Variants in SAAL1 observed in about 807,000 individuals in gnomAD.
SAAL1 encodes the protein protein SAAL1.
A neutral mutation model predicts 59.8 loss-of-function variants in SAAL1; 42 were observed. That is an observed-to-expected ratio of 0.70 (90% confidence interval 0.55 to 0.91). The LOEUF is 0.91. Ranked by LOEUF, SAAL1 falls within the 40% of genes least tolerant of loss-of-function variation. SAAL1 has a pLI of 0.00. For synonymous variants in SAAL1, 191 were observed against 194.3 expected (o/e 0.98, Z 0.14); for missense variants, 542 against 561.1 (o/e 0.97, Z 0.34).
At chr11:18,105,255 C>T (rs954208392) in intron 1 of SAAL1, among the ~76,000 whole-genome samples, 3 of 151,660 alleles carry the variant, frequency 2.0e-5, no homozygotes, top group Admixed American at 6.6e-5. Context: ...CTGCAGCCTC[C>T]AACTTCAGGC....
intron 1 of SAAL1, 49 bp downstream of exon 1, chr11:18,105,858 G>A: frequency 1.3e-6 from 2 of 1,511,144 alleles, no homozygotes; most frequent in Non-Finnish European, 8.8e-7. Flanking sequence ...CGGAGCCCCG[G>A]TGCCTGGGGG....
At chr11:18,091,484 TAGG>T (rs1848523036) in intron 4 of SAAL1, among the ~76,000 whole-genome samples, 1 of 152,206 alleles carries the variant, frequency 6.6e-6, no homozygotes, top group South Asian at 2.1e-4. Flanking sequence ...CCTCCACAAC[TAGG>T]AGTTCTCTCT....
chr11:18,087,207 C>A lies in SAAL1; in HGVS notation c.789G>T (p.Trp263Cys). ...GTAAAATGTGCATGTAAACATCAAGCCATTCTGGATTTTCAGAACTAAATA... is the reference window on the plus strand; with the variant it reads ...GTAAAATGTGCATGTAAACATCAAGACATTCTGGATTTTCAGAACTAAATA... ...AKQVRSENPEWLDVYMHILQL... is the reference protein window; with the variant it reads ...AKQVRSENPECLDVYMHILQL... The change falls in exon 8 of 12, where the codon TGG (tryptophan) becomes TGT (cysteine). Residue 263 changes from tryptophan (W) to cysteine (C), a missense_variant. Trp to Cys is a radical substitution (Grantham distance 215). Coordinates refer to ENST00000524803, the MANE Select transcript of SAAL1 (RefSeq NM_138421.3). 6.2e-7 allele frequency: 1 copy of A among 1,611,968 alleles called. No individual in the cohort carries two copies. Among genetic ancestry groups the A allele is most frequent in the Non-Finnish European group, 8.5e-7 (1 of 1,178,162 alleles).
chr11:18,095,137 C>A (rs1848559397), intron 3 of SAAL1, among the ~76,000 whole-genome samples: 1 of 152,114 alleles, frequency 6.6e-6, no homozygotes, highest in Non-Finnish European at 1.5e-5. Context: ...CGGGGACATG[C>A]TTAAGTTTGA....
Position 18,103,218 on chromosome 11 carries a change from T to C in SAAL1, c.249+15A>G, listed in dbSNP as rs751077471. 4 of 1,549,176 alleles carry C rather than the reference T, an allele frequency of 2.6e-6. No individual in the cohort carries two copies. The highest frequency in any genetic ancestry group is 3.6e-6 in the Non-Finnish European group (4 of 1,121,042). On this transcript the variant is annotated intron_variant, in intron 2 of 11. Coordinates refer to ENST00000524803, the MANE Select transcript of SAAL1 (RefSeq NM_138421.3). ...TCACCCAACAGTCTTCAGAGTTTTG[T>C]TTCCAGCCTCATACCTCATCCATTG...
intron 3 of SAAL1, among the ~76,000 whole-genome samples, chr11:18,095,698 C>T (rs1314845402): frequency 6.6e-6 from 1 of 152,212 alleles, no homozygotes; most frequent in East Asian, 1.9e-4. Context: ...ATTTACTAAT[C>T]CATGATATGC....
chr11:18,105,849 G>A lies in SAAL1; in HGVS notation c.135+58C>T, dbSNP rs866424679. ...CGGGGCAGGAGGATTCGCCAGAGGC[G>A]GAGCCCCGGTGCCTGGGGGATGTAG... On this transcript the variant is annotated intron_variant, in intron 1 of 11. Coordinates refer to ENST00000524803, the MANE Select transcript of SAAL1 (RefSeq NM_138421.3). 4 of 1,489,264 alleles carry A rather than the reference G, an allele frequency of 2.7e-6. No individual in the cohort carries two copies. The Middle Eastern group carries it at 8.4e-4, about 311-fold the overall frequency. 92.3% of individuals were successfully genotyped at this position (1,489,264 alleles called of 1,614,324 possible).
At chr11:18,091,681 G>A (rs1043027019) in intron 4 of SAAL1, among the ~76,000 whole-genome samples, 8 of 151,982 alleles carry the variant, frequency 5.3e-5, no homozygotes, top group Admixed American at 2.0e-4. Context: ...ATATAATTTC[G>A]GGGTGTTCTC....
intron 2 of SAAL1, among the ~76,000 whole-genome samples, chr11:18,098,092 A>G (rs1848596629): frequency 6.6e-6 from 1 of 152,180 alleles, no homozygotes; most frequent in African/African-American, 2.4e-5. Context: ...GGGTGCAGTG[A>G]GCTGAGATCT....
rs999833440 is a variant in SAAL1 at position 18,092,267 on chromosome 11, T to C, written c.391A>G (p.Ile131Val). The C allele has an allele frequency of 7.5e-6, 12 of 1,597,710 alleles. No homozygotes were observed. Among genetic ancestry groups the C allele is most frequent in the Non-Finnish European group, 1.0e-5 (12 of 1,165,378 alleles). ...TACCCAAGATTTTTATCACTGCTGA[T>C]GGACACACATATCTCCTGGAAACAG... Reference protein sequence around the residue: ...MACFQEICVSISSDKNLGQVL... With the variant: ...MACFQEICVSVSSDKNLGQVL... The change falls in exon 4 of 12, where the codon ATC becomes GTC. Residue 131 changes from isoleucine to valine, a missense_variant. Transcript: ENST00000524803.
rs1288283082 is a variant in SAAL1, at chr11:18,083,578, A to G, written c.1196T>C (p.Ile399Thr). 4 of 1,594,362 alleles carry G rather than the reference A, an allele frequency of 2.5e-6. No homozygotes were observed. The African/African-American group carries it at 5.4e-5, about 21-fold the overall frequency. Residue 399 changes from isoleucine to threonine, a missense_variant, in exon 10 of 12, where the codon ATT becomes ACT. By Grantham distance (89) the Ile-to-Thr change is moderately conservative. Transcript: ENST00000524803. ...DDFHLKILKDILCEFLSNIFQ... is the reference protein window; with the variant it reads ...DDFHLKILKDTLCEFLSNIFQ... ...AATATTAGAAAGAAATTCACATAAA[A>G]TATCCTTTAAGATTTTCAAGTGGAA...
Position 18,080,426 on chromosome 11 carries a change from GT to G in SAAL1, c.1397del (p.Asn466ThrfsTer5), listed in dbSNP as rs766727085. The G allele has an allele frequency of 3.8e-6, 6 of 1,597,292 alleles. No homozygotes were observed. Among genetic ancestry groups the G allele is most frequent in the Non-Finnish European group, 5.1e-6 (6 of 1,175,666 alleles). Reference sequence around the variant, plus strand: ...AAGTCTGAACCTTCAAACTTGGGAAGTTTTTTTCCAAGTCATCAGCAAGCGC... The same window carrying G: ...AAGTCTGAACCTTCAAACTTGGGAAGTTTTTTCCAAGTCATCAGCAAGCGC... ...DKALADDLEKNFPSLKVQT is the reference protein window; with the variant it reads ...DKALADDLEKXFPSLKVQT On this transcript the variant is annotated frameshift_variant, in exon 12 of 12. Coordinates refer to ENST00000524803, the MANE Select transcript of SAAL1 (RefSeq NM_138421.3). LOFTEE classifies it high-confidence loss of function.
chr11:18,080,470 G>A lies in SAAL1; in HGVS notation c.1354C>T (p.Leu452=). 6.3e-7 allele frequency: 1 copy of A among 1,579,208 alleles called. No homozygotes were observed. The highest frequency in any genetic ancestry group is 1.4e-5 in the African/African-American group (1 of 72,452). ...SPVVEDFIKI[L]REVDKALADD... is the part of the protein sequence containing the mutation. ...GCAAGCGCCTTATCAACTTCACGTA[G>A]GATTTTAATAAAATCTTCCACCTGT... Residue 452 remains leucine (L), a synonymous_variant, in exon 12 of 12, where the codon CTA becomes TTA. Coordinates refer to ENST00000524803, the MANE Select transcript of SAAL1 (RefSeq NM_138421.3).
At chr11:18,097,830 A>G (rs1256465373) in intron 2 of SAAL1, among the ~76,000 whole-genome samples, 3 of 117,454 alleles carry the variant, frequency 2.6e-5, no homozygotes, top group African/African-American at 1.2e-4. Context: ...ACACAGCGAG[A>G]AAAAAAGGAA....
At position 18,082,417 on chromosome 11, in the gene SAAL1, C is replaced by T. The variant is rs375360747; in HGVS notation, c.1240-914G>A. ...AAAAATTATAATACCCAATAATAAG[C>T]GTCAAGTAAAACCAACATTTTCACA... On this transcript the variant is annotated intron_variant, in intron 10 of 11. Transcript: ENST00000524803. 1.1e-4 allele frequency among the ~76,000 whole-genome samples: 17 copies of T among 151,544 alleles called. No homozygotes were observed. In the East Asian group the frequency reaches 2.9e-3, roughly 26 times the overall value.
chr11:18,105,779 C>T, intron 1 of SAAL1, 128 bp downstream of exon 1: 4 of 1,236,820 alleles, frequency 3.2e-6, no homozygotes, highest in Non-Finnish European at 3.2e-6. Context: ...AGCAAGGTCC[C>T]GCAGCGCACG....
At chr11:18,084,784 G>A (rs1848445450) in intron 9 of SAAL1, among the ~76,000 whole-genome samples, 1 of 152,046 alleles carries the variant, frequency 6.6e-6, no homozygotes, top group Admixed American at 6.6e-5. Flanking sequence ...TTGGAGGGGG[G>A]GTGCGGAGTA....
In SAAL1 at chr11:18,105,983, A is replaced by ACCTCCTCCT. The variant is rs3830499; in HGVS notation, c.50_58dup (p.Glu17_Glu19dup). The ACCTCCTCCT allele has an allele frequency of 6.4e-7, 1 of 1,573,018 alleles. No homozygotes were observed. Among genetic ancestry groups the ACCTCCTCCT allele is most frequent in the East Asian group, 2.3e-5 (1 of 44,194 alleles). ...GCTCCCTATGCAGTCTCCACCGGCC[A>ACCTCCTCCT]CCTCCTCCTCCTCCTCCTTGTCGCG... is the stretch of plus-strand genomic sequence containing the variant. On this transcript the variant is annotated inframe_insertion, in exon 1 of 12. Transcript: ENST00000524803.
chr11:18,094,693 GAGAGACGAGTGACTGAAGAGGTC>G (rs1243511451), intron 3 of SAAL1, among the ~76,000 whole-genome samples: 1 of 152,170 alleles, frequency 6.6e-6, no homozygotes, highest in Non-Finnish European at 1.5e-5. Context: ...AATGAAAGGT[GAGAGACGAGTGACTGAAGAGGTC>G]AGAGACGACA....
Sources: gnomAD v4.1 joint callset for allele counts (sites outside exome capture counted in the v4.1 genomes callset) on GRCh38, gnomAD v4.1.1 for gene constraint, MANE v1.5 for transcripts, NCBI Gene and HGNC (gene_info 2026-07-23, HGNC 2026-07-21) for gene names.